QSER1: variants seen among roughly 807,000 people sequenced by gnomAD.
The protein encoded by QSER1 is glutamine and serine-rich protein 1.
In QSER1, 49 loss-of-function variants were observed where a neutral mutation model predicts 158.5. The observed-to-expected ratio is 0.31, with a 90% CI of 0.25 to 0.39. QSER1 has a LOEUF of 0.39. QSER1 is among the 10% of genes least tolerant of loss of function. QSER1 has a pLI of 1.00. For synonymous variants in QSER1, 650 were observed against 715.5 expected (o/e 0.91, Z 1.46); for missense variants, 1,754 against 2,010.3 (o/e 0.87, Z 2.44).
At chr11:32,946,225 C>G (rs1267405716) in intron 4 of QSER1, among the ~76,000 whole-genome samples, 2 of 152,200 alleles carry the variant, frequency 1.3e-5, no homozygotes, top group Non-Finnish European at 2.9e-5. Flanking sequence ...CTGAAGCCTT[C>G]TTCTCTCAGC....
chr11:32,934,469 C>G lies in QSER1; in HGVS notation c.3211C>G (p.Leu1071Val). 6.2e-7 allele frequency: 1 copy of G among 1,613,738 alleles called. No homozygotes were observed. Among genetic ancestry groups the G allele is most frequent in the Non-Finnish European group, 8.5e-7 (1 of 1,179,988 alleles). ...PVPALQSKMTLDQQHIETPGQ... is the reference protein window; with the variant it reads ...PVPALQSKMTVDQQHIETPGQ... ...ACCTGCCCTTCAGTCAAAAATGACT[C>G]TTGATCAACAGCACATTGAAACACC... The change falls in exon 4 of 13, where the codon CTT (leucine) becomes GTT (valine). Residue 1071 changes from leucine (L) to valine (V), a missense_variant. This residue lies in a region of QSER1 where 1,707 missense variants were observed against 1,919.6 expected (regional missense o/e 0.89). Transcript: ENST00000650167.
Position 32,979,199 on chromosome 11 carries a change from G to A in QSER1, c.*2725G>A, listed in dbSNP as rs1490157847. 6.6e-6 allele frequency: 1 copy of A among 152,622 alleles called. No homozygotes were observed. The highest frequency in any genetic ancestry group is 6.5e-5 in the Admixed American group (1 of 15,282). The allele number at this position is 152,622 out of a possible 1,614,324, so 9.5% of individuals were successfully genotyped here. A position where few individuals can be genotyped will look rare whatever the true frequency, so the allele number is the denominator to read the frequency against. ...ATGACTATAAATACCTAGCTGGTTA[G>A]CATTTACATTCCTTGCCAGGGAGTT... On this transcript the variant is annotated 3_prime_UTR_variant, in exon 13 of 13. Coordinates refer to ENST00000650167, the MANE Select transcript of QSER1 (RefSeq NM_001076786.3).
In QSER1 at chr11:32,932,352, G is replaced by C. The variant is rs1852061822; in HGVS notation, c.1094G>C (p.Ser365Thr). The C allele has an allele frequency of 1.2e-6, 2 of 1,612,306 alleles. No individual in the cohort carries two copies. The highest frequency in any genetic ancestry group is 1.1e-5 in the South Asian group (1 of 91,082). The change falls in exon 4 of 13, where the codon AGC (serine) becomes ACC (threonine). Residue 365 changes from serine (S) to threonine (T), a missense_variant. Physicochemically the swap from Ser to Thr is moderately conservative, Grantham distance 58. This residue lies in a region of QSER1 where 1,707 missense variants were observed against 1,919.6 expected (regional missense o/e 0.89). Coordinates refer to ENST00000650167, the MANE Select transcript of QSER1 (RefSeq NM_001076786.3). ...ACCAGGCAGTCATCTTTATCCTGTAGCCCAATTGGAGATTCCACTCAGGTG... is the reference window on the plus strand; with the variant it reads ...ACCAGGCAGTCATCTTTATCCTGTACCCCAATTGGAGATTCCACTCAGGTG... Reference protein sequence around the residue: ...ETTRQSSLSCSPIGDSTQVSN... With the variant: ...ETTRQSSLSCTPIGDSTQVSN...
At chr11:32,903,804 G>A (rs1217730294) in intron 1 of QSER1, among the ~76,000 whole-genome samples, 1 of 152,050 alleles carries the variant, frequency 6.6e-6, no homozygotes, top group Non-Finnish European at 1.5e-5. Flanking sequence ...TAGAGATAGT[G>A]TTTCACTGTG....
At position 32,956,149 on chromosome 11, in the gene QSER1, G is replaced by T. The variant is rs780934440; in HGVS notation, c.4751+28G>T. 1.2e-5 allele frequency: 19 copies of T among 1,570,122 alleles called. No homozygotes were observed. In the East Asian group the frequency reaches 4.3e-4, roughly 35 times the overall value. ...ATTTGTTTTCTTAGGTGATATATTT[G>T]TGCATATATATAGGTGTATTATTGA... On this transcript the variant is annotated intron_variant, in intron 7 of 12. Transcript: ENST00000650167.
chr11:32,952,311 G>GT (rs1276472125), intron 4 of QSER1, among the ~76,000 whole-genome samples: 5 of 152,164 alleles, frequency 3.3e-5, no homozygotes, highest in Non-Finnish European at 1.5e-5. Context: ...GCTGTTGAAT[G>GT]TTTTTATCAT....
chr11:32,915,046 G>T (rs1851815194), intron 1 of QSER1, among the ~76,000 whole-genome samples: 1 of 152,136 alleles, frequency 6.6e-6, no homozygotes, highest in East Asian at 1.9e-4. Context: ...TAGCCCCCCT[G>T]AGTAGCTTGG....
At chr11:32,922,155 A>G (rs899691396) in intron 1 of QSER1, among the ~76,000 whole-genome samples, 1 of 152,226 alleles carries the variant, frequency 6.6e-6, no homozygotes, top group African/African-American at 2.4e-5. Context: ...AGAAGAAAAC[A>G]GAAAATCTTT....
intron 8 of QSER1, among the ~76,000 whole-genome samples, chr11:32,964,735 TATATACACACACAC>T (rs1242277793): frequency 0.019 from 2,159 of 116,652 alleles, 77 homozygotes; most frequent in South Asian, 0.038. Flanking sequence ...TATATATATA[TATATACACACACAC>T]ACACACACAC....
intron 4 of QSER1, among the ~76,000 whole-genome samples, chr11:32,943,690 A>G (rs952693355): frequency 2.5e-4 from 38 of 151,304 alleles, no homozygotes; most frequent in Non-Finnish European, 4.7e-4. Flanking sequence ...TTGGTCTAAA[A>G]TTCTCTTTTT....
intron 1 of QSER1, among the ~76,000 whole-genome samples, chr11:32,907,963 G>T (rs1157622365): frequency 6.6e-6 from 1 of 152,154 alleles, no homozygotes; most frequent in East Asian, 1.9e-4. Context: ...AGCTGAGCAT[G>T]GTGGCATGCA....
At chr11:32,975,895 A>C (rs942180702) in intron 12 of QSER1, among the ~76,000 whole-genome samples, 5 of 152,236 alleles carry the variant, frequency 3.3e-5, no homozygotes, top group African/African-American at 1.2e-4. Flanking sequence ...GTTGTAGACA[A>C]TACTACCTTA....
intron 11 of QSER1, among the ~76,000 whole-genome samples, chr11:32,974,577 A>G (rs1457193147): frequency 1.3e-5 from 2 of 152,234 alleles, no homozygotes; most frequent in East Asian, 3.8e-4. Context: ...ATGTCATACT[A>G]CGTGCTTTTT....
intron 3 of QSER1, 79 bp downstream of exon 3, chr11:32,928,202 G>T: frequency 1.2e-6 from 1 of 841,272 alleles, no homozygotes; most frequent in Non-Finnish European, 1.9e-6. Context: ...TTGTCATTGT[G>T]GCTGGGAGTT....
chr11:32,974,235 AC>A (rs1229086138), intron 11 of QSER1, among the ~76,000 whole-genome samples: 3 of 152,168 alleles, frequency 2.0e-5, no homozygotes, highest in Admixed American at 6.5e-5. Flanking sequence ...AGTCTTGGCA[AC>A]AAAGCAAGGC....
intron 1 of QSER1, among the ~76,000 whole-genome samples, chr11:32,922,374 A>G (rs1404041996): frequency 6.6e-6 from 1 of 152,200 alleles, no homozygotes; most frequent in Non-Finnish European, 1.5e-5. Context: ...TCAGTAATAG[A>G]AAACAACCCA....
rs1432279189 is a variant in QSER1 at position 32,956,045 on chromosome 11, A to T, written c.4675A>T (p.Ile1559Phe). Residue 1559 changes from isoleucine to phenylalanine, a missense_variant, in exon 7 of 13, where the codon ATT (isoleucine) becomes TTT (phenylalanine). Physicochemically the swap from Ile to Phe is conservative, Grantham distance 21. Coordinates refer to ENST00000650167, the MANE Select transcript of QSER1 (RefSeq NM_001076786.3). Reference protein sequence around the residue: ...SKYKRIYVKFIENANKKEYVR... With the variant: ...SKYKRIYVKFFENANKKEYVR... ...ATACAAAAGAATATATGTGAAGTTC[A>T]TTGAAAATGCAAACAAGAAGGAATA... 2 of 1,609,470 alleles carry T rather than the reference A, an allele frequency of 1.2e-6. No homozygotes were observed. The highest frequency in any genetic ancestry group is 1.7e-5 in the Admixed American group (1 of 59,932).
At chr11:32,912,843 G>T (rs1257667082) in intron 1 of QSER1, among the ~76,000 whole-genome samples, 1 of 152,044 alleles carries the variant, frequency 6.6e-6, no homozygotes, top group Admixed American at 6.6e-5. Flanking sequence ...AGCCTGGAAG[G>T]TCACACCTAG....
chr11:32,914,869 T>C (rs1231509502), intron 1 of QSER1, among the ~76,000 whole-genome samples: 1 of 152,198 alleles, frequency 6.6e-6, no homozygotes, highest in African/African-American at 2.4e-5. Flanking sequence ...TTAAACAGTG[T>C]AGAGAGTGGT....
Sources: gnomAD v4.1 joint callset for allele counts (sites outside exome capture counted in the v4.1 genomes callset) on GRCh38, gnomAD v4.1.1 for gene constraint, gnomAD v4.1.1 regional missense constraint, MANE v1.5 for transcripts, NCBI Gene and HGNC (gene_info 2026-07-23, HGNC 2026-07-21) for gene names.